GSG1: variants seen among roughly 807,000 people sequenced by gnomAD.
GSG1 encodes the protein germ cell-specific gene 1 protein.
GSG1 carries 28 observed loss-of-function variants against 30.8 expected under a neutral mutation model. That is an observed-to-expected ratio of 0.91 (90% CI 0.67 to 1.25). The LOEUF is 1.25. GSG1 is among the 50% of genes most tolerant of loss of function. The probability of loss-of-function intolerance (pLI) is 0.00; values close to 1 mark genes in which losing one functional copy is unlikely to be tolerated. For missense variants in GSG1, 435 were observed against 444.7 expected (o/e 0.98, Z 0.20); for synonymous variants, 162 against 178.0 (o/e 0.91, Z 0.71).
In GSG1 at chr12:13,090,650, C is replaced by A; in HGVS notation, c.217G>T (p.Asp73Tyr). 1.9e-6 allele frequency: 3 copies of A among 1,614,258 alleles called. No homozygotes were observed. Among genetic ancestry groups the A allele is most frequent in the Non-Finnish European group, 2.5e-6 (3 of 1,180,048 alleles). ...CEKGLAAKCF[D>Y]MPVSLDGDTN... ...TCTCCATCCAGGGACACTGGCATGT[C>A]AAAGCACTTGGCTGCCAGACCTTTC... The change falls in exon 2 of 7, where the codon GAC becomes TAC. Residue 73 changes from aspartate (D) to tyrosine (Y), a missense_variant. Coordinates refer to ENST00000651961, the MANE Select transcript of GSG1 (RefSeq NM_001080555.4).
chr12:13,095,655 C>T (rs1303954293), intron 1 of GSG1: 1 of 1,614,106 alleles, frequency 6.2e-7, no homozygotes, highest in South Asian at 1.1e-5. Flanking sequence ...ATGCCATCTG[C>T]ACTCCAAGTC....
intron 1 of GSG1, among the ~76,000 whole-genome samples, chr12:13,098,251 C>T (rs566800308): frequency 6.6e-6 from 1 of 151,744 alleles, no homozygotes. Context: ...CACGTGCTTC[C>T]CCCACCAGTC....
rs780792973 is a variant in GSG1 at position 13,096,200 on chromosome 12, G to A, written c.49-5382C>T. On this transcript the variant is annotated intron_variant, in intron 1 of 6. Transcript: ENST00000651961. The stretch of plus-strand genomic sequence containing the variant: ...ATTAGAATAAGTACTATTGCCGGGC[G>A]TGGTGGATCACGCCTGTAATCCCAG... Among the ~76,000 whole-genome samples, 17 of 152,186 alleles carry A rather than the reference G, an allele frequency of 1.1e-4. No homozygotes were observed. In the South Asian group the frequency reaches 3.5e-3, roughly 31 times the overall value.
intron 1 of GSG1, among the ~76,000 whole-genome samples, chr12:13,096,903 C>T (rs1021518994): frequency 1.3e-5 from 2 of 152,060 alleles, no homozygotes; most frequent in African/African-American, 4.8e-5. Flanking sequence ...GCTTGGTCAA[C>T]ATAGTGACAC....
At chr12:13,091,563 G>T (rs554317290) in intron 1 of GSG1, among the ~76,000 whole-genome samples, 7 of 152,298 alleles carry the variant, frequency 4.6e-5, no homozygotes, top group Non-Finnish European at 8.8e-5. Context: ...AATTAGCCGG[G>T]CACGGTGGCG....
At position 13,084,748 on chromosome 12, in the gene GSG1, A is replaced by G. The variant is rs777398439; in HGVS notation, c.*153T>C. 15 of 550,272 alleles carry G rather than the reference A, an allele frequency of 2.7e-5. No individual in the cohort carries two copies. Among genetic ancestry groups the G allele is most frequent in the Admixed American group, 1.5e-4 (5 of 32,340 alleles). The allele number at this position is 550,272 out of a possible 1,614,324, so 34.1% of individuals were successfully genotyped here. On this transcript the variant is annotated 3_prime_UTR_variant, in exon 7 of 7. Transcript: ENST00000651961. The stretch of plus-strand genomic sequence containing the variant: ...GAAAAGAGAGCAGTGGCACCCAGGA[A>G]TCCCTTAGGACTTAAAGATAACCCT...
intron 4 of GSG1, 93 bp from the exon 5 acceptor site, chr12:13,088,152 C>G (rs1015502049): frequency 2.9e-6 from 4 of 1,363,974 alleles, no homozygotes; most frequent in African/African-American, 1.4e-5. Context: ...GAGTTAAGAC[C>G]CTAGCAGCAT....
chr12:13,086,642 C>T (rs932039266), intron 6 of GSG1, among the ~76,000 whole-genome samples: 4 of 151,818 alleles, frequency 2.6e-5, no homozygotes, highest in Non-Finnish European at 4.4e-5. Flanking sequence ...AGAGAATGAC[C>T]CTAGGGTAGT....
chr12:13,090,378 G>A, intron 2 of GSG1, 125 bp downstream of exon 2: 5 of 789,130 alleles, frequency 6.3e-6, no homozygotes, highest in African/African-American at 3.5e-5. Context: ...GCCCACTGGG[G>A]TGTGGGCAGT....
Position 13,090,552 on chromosome 12 carries a change from G to C in GSG1, c.315C>G (p.Ser105Arg), listed in dbSNP as rs755249530. The change falls in exon 2 of 7, where the codon AGC becomes AGG. Residue 105 changes from serine (S) to arginine (R), a missense_variant. Transcript: ENST00000651961. ...AGGATAGCCACATGCCACTCCGGAA[G>C]CTCCGGAAGGAGAACCGGTCATCCC... The part of the protein sequence containing the change: ...ETGDDRFSFR[S>R]FRSGMWLSCE... The C allele has an allele frequency of 6.2e-7, 1 of 1,614,178 alleles. No homozygotes were observed. Among genetic ancestry groups the C allele is most frequent in the East Asian group, 2.2e-5 (1 of 44,888 alleles).
chr12:13,090,771 G>T lies in GSG1; in HGVS notation c.96C>A (p.Ala32=). 2 of 1,614,170 alleles carry T rather than the reference G, an allele frequency of 1.2e-6. No individual in the cohort carries two copies. Among genetic ancestry groups the T allele is most frequent in the South Asian group, 2.2e-5 (2 of 91,062 alleles). The change falls in exon 2 of 7, where the codon GCC becomes GCA. Residue 32 remains alanine (A), a synonymous_variant. Transcript: ENST00000651961. ...AGCTGAGTGATAGCATGCTGAGGAT[G>T]GCAGATAGGAGTGTCCGCTGGCCAG... The part of the protein sequence containing the change: ...AFSGQRTLLS[A]ILSMLSLSFS...
At chr12:13,085,705 CAG>C (rs1565520730) in intron 6 of GSG1, among the ~76,000 whole-genome samples, 1 of 152,136 alleles carries the variant, frequency 6.6e-6, no homozygotes, top group Non-Finnish European at 1.5e-5. Flanking sequence ...TCCCCCCACT[CAG>C]ATGCTGGGAG....
chr12:13,099,740 GT>G (rs1243237814), intron 1 of GSG1, among the ~76,000 whole-genome samples: 4 of 95,830 alleles, frequency 4.2e-5, no homozygotes, highest in African/African-American at 9.5e-5. Context: ...GGGATCCGGT[GT>G]TTTTTTTTGT....
Position 13,084,548 on chromosome 12 carries a change from T to A in GSG1, c.*353A>T, listed in dbSNP as rs1316170108. The A allele has an allele frequency of 5.8e-6, 1 of 172,850 alleles. No homozygotes were observed. The highest frequency in any genetic ancestry group is 1.2e-5 in the Non-Finnish European group (1 of 80,254). The allele number at this position is 172,850 out of a possible 1,614,324, so 10.7% of individuals were successfully genotyped here. Reference sequence around the variant, plus strand: ...CCGTTAATTTGCTCACCTCCATTTCTCCAATTTCCAGACCAATAACTAGAT... The same window carrying A: ...CCGTTAATTTGCTCACCTCCATTTCACCAATTTCCAGACCAATAACTAGAT... On this transcript the variant is annotated 3_prime_UTR_variant, in exon 7 of 7. Transcript: ENST00000651961.
In GSG1 at chr12:13,090,131, C is replaced by T. The variant is rs988126525; in HGVS notation, c.364+372G>A. ...CTTTCCTACAATATTCCTCTCCCTT[C>T]GTTTTGTTTCTAAACAGCAATTCTA... On this transcript the variant is annotated intron_variant, in intron 2 of 6. Coordinates refer to ENST00000651961, the MANE Select transcript of GSG1 (RefSeq NM_001080555.4). 8.5e-5 allele frequency among the ~76,000 whole-genome samples: 13 copies of T among 152,208 alleles called. No homozygotes were observed. In the East Asian group the frequency reaches 1.2e-3, roughly 14 times the overall value.
intron 1 of GSG1, among the ~76,000 whole-genome samples, chr12:13,094,858 C>G (rs2120866310): frequency 6.6e-6 from 1 of 152,240 alleles, no homozygotes; most frequent in Non-Finnish European, 1.5e-5. Context: ...ACTCCACATT[C>G]AATCCACTTC....
chr12:13,085,837 G>T (rs2120590446), intron 6 of GSG1, among the ~76,000 whole-genome samples: 2 of 152,316 alleles, frequency 1.3e-5, no homozygotes, highest in South Asian at 4.1e-4. Context: ...ATTATAGGTT[G>T]TACTAGTGGA....
Position 13,090,616 on chromosome 12 carries a change from G to C in GSG1, c.251C>G (p.Thr84Arg). The C allele has an allele frequency of 6.2e-7, 1 of 1,614,216 alleles. No individual in the cohort carries two copies. The highest frequency in any genetic ancestry group is 1.1e-5 in the South Asian group (1 of 91,088). ...GTATTGTACCACCTCCTGGGTGGAT[G>C]TGTTGGTATCTCCATCCAGGGACAC... ...MPVSLDGDTN[T>R]STQEVVQYNW... Residue 84 changes from threonine to arginine, a missense_variant, in exon 2 of 7, where the codon ACA becomes AGA. Physicochemically the swap from Thr to Arg is moderately conservative, Grantham distance 71. Coordinates refer to ENST00000651961, the MANE Select transcript of GSG1 (RefSeq NM_001080555.4).
Position 13,093,097 on chromosome 12 carries a change from G to A in GSG1, c.49-2279C>T, listed in dbSNP as rs372722854. ...AGGCGTTAAGCCACCACGCCTGGCC[G>A]GTTATATAAGCTTTTAACTTTATGT... is the stretch of plus-strand genomic sequence containing the variant. On this transcript the variant is annotated intron_variant, in intron 1 of 6. Coordinates refer to ENST00000651961, the MANE Select transcript of GSG1 (RefSeq NM_001080555.4). The surrounding 1 kb of genome is among the most constrained non-coding windows in gnomAD (Gnocchi z 4.6). Among the ~76,000 whole-genome samples, 12 of 151,388 alleles carry A rather than the reference G, an allele frequency of 7.9e-5. No individual in the cohort carries two copies. The East Asian group carries it at 1.4e-3, about 17-fold the overall frequency.
Sources: allele counts gnomAD v4.1 joint callset (sites outside exome capture counted in the v4.1 genomes callset), GRCh38; gene constraint gnomAD v4.1.1; non-coding constraint Gnocchi (gnomAD v3.1); transcripts MANE v1.5; gene names NCBI Gene and HGNC (gene_info 2026-07-23, HGNC 2026-07-21).